The following NRXN3 variants were observed in gnomAD, a reference collection of about 807,000 sequenced individuals.
NRXN3 encodes the protein neurexin 3.
NRXN3 carries 32 observed loss-of-function variants against 137.6 expected under a neutral mutation model. The ratio of observed to expected loss-of-function variants is 0.23; its 90% CI spans 0.18 to 0.31. The LOEUF (loss-of-function observed/expected upper bound fraction) is 0.31. Ranked by LOEUF, NRXN3 falls within the 10% of genes least tolerant of loss-of-function variation. NRXN3 has a pLI of 1.00. For missense variants in NRXN3, 1,574 were observed against 2,062.5 expected, an observed-to-expected ratio of 0.76 and a Z score of 4.59; for synonymous variants, 798 against 784.5, an observed-to-expected ratio of 1.02 and a Z score of -0.29.
At chr14:79,766,932 A>G (rs2099057934) in intron 19 of NRXN3, among the ~76,000 whole-genome samples, 1 of 152,218 alleles carries the variant, frequency 6.6e-6, no homozygotes, top group Non-Finnish European at 1.5e-5. Flanking sequence ...AGGAGTAACA[A>G]GAAATAAGGC....
chr14:79,085,730 G>A (rs2047967739), intron 15 of NRXN3, among the ~76,000 whole-genome samples: 1 of 151,936 alleles, frequency 6.6e-6, no homozygotes, highest in South Asian at 2.1e-4. Flanking sequence ...GAAACGAGGA[G>A]AGAGAGGGAA....
chr14:79,483,647 G>T (rs762326536), intron 16 of NRXN3, among the ~76,000 whole-genome samples: 23 of 152,164 alleles, frequency 1.5e-4, no homozygotes, highest in Non-Finnish European at 3.4e-4. Flanking sequence ...GACTCCCAAG[G>T]ATGTATTTGT....
rs563399482 is a variant in NRXN3 at position 78,657,806 on chromosome 14, G to A, written c.1221+6480G>A. Among the ~76,000 whole-genome samples the A allele has an allele frequency of 9.9e-5, 15 of 152,270 alleles. 1 individual carries two copies. The South Asian group carries it at 3.1e-3, about 32-fold the overall frequency. The stretch of plus-strand genomic sequence containing the variant: ...TTATTTGAATTGCTGGCACCTGCGG[G>A]CTTTGGGATAATGTGTTTGTTGTTG... On this transcript the variant is annotated intron_variant, in intron 6 of 20. Transcript: ENST00000335750.
chr14:78,967,184 G>GTC (rs1567847228), intron 12 of NRXN3, 24 bp from the exon 13 acceptor site: 2 of 1,421,224 alleles, frequency 1.4e-6, no homozygotes, highest in Non-Finnish European at 1.9e-6. Flanking sequence ...TCCAATTATT[G>GTC]TTTTTTTTTT....
chr14:79,362,305 C>A (rs891083103), intron 15 of NRXN3, among the ~76,000 whole-genome samples: 3 of 151,778 alleles, frequency 2.0e-5, no homozygotes, highest in South Asian at 2.1e-4. Flanking sequence ...CCCTCTCCCC[C>A]CACCCCACCA....
chr14:78,911,901 TG>T (rs1288955803), intron 10 of NRXN3, among the ~76,000 whole-genome samples: 2 of 151,768 alleles, frequency 1.3e-5, no homozygotes, highest in African/African-American at 4.8e-5. Context: ...CAAATTGGTA[TG>T]TTTTTTTCCT....
At chr14:78,807,446 C>G (rs544721032) in intron 9 of NRXN3, among the ~76,000 whole-genome samples, 14 of 152,222 alleles carry the variant, frequency 9.2e-5, no homozygotes, top group African/African-American at 3.1e-4. Flanking sequence ...GAAAAACTTT[C>G]TTGGCCAGGC....
chr14:78,534,047 A>C (rs547230957), intron 4 of NRXN3, among the ~76,000 whole-genome samples: 1 of 152,330 alleles, frequency 6.6e-6, no homozygotes, highest in East Asian at 1.9e-4. Context: ...CCCATTAAGT[A>C]ATGGTGCACT....
At chr14:79,388,338 T>C (rs1197517895) in intron 15 of NRXN3, among the ~76,000 whole-genome samples, 1 of 152,204 alleles carries the variant, frequency 6.6e-6, no homozygotes, top group South Asian at 2.1e-4. Flanking sequence ...TATTCCTTTA[T>C]AGCAATGCAA....
Position 79,744,147 on chromosome 14 carries a change from A to G in NRXN3, c.4014+46210A>G, listed in dbSNP as rs531847570. On this transcript the variant is annotated intron_variant, in intron 19 of 20. Coordinates refer to ENST00000335750, the MANE Select transcript of NRXN3 (RefSeq NM_001330195.2). ...CACCTGTTTTTAACCAAATGCCTAC[A>G]TGCTGCATGAGCAGGAAATGAGGTG... Among the ~76,000 whole-genome samples the G allele has an allele frequency of 6.6e-5, 10 of 152,292 alleles. 1 individual carries two copies. Among genetic ancestry groups the G allele is most frequent in the Middle Eastern group, 3.4e-3 (1 of 294 alleles).
chr14:78,898,554 CGTGTGTGTGTGTGTGTGTGTGTGTGT>C (rs66861661), intron 10 of NRXN3, among the ~76,000 whole-genome samples: 4 of 136,262 alleles, frequency 2.9e-5, no homozygotes, highest in Non-Finnish European at 1.6e-5. Context: ...AGCTGGGTTT[CGTGTGTGTGTGTGTGTGTGTGTGTGT>C]GTGTGTGTGT....
chr14:79,130,061 C>G (rs1241515478), intron 15 of NRXN3, among the ~76,000 whole-genome samples: 2 of 151,900 alleles, frequency 1.3e-5, no homozygotes, highest in South Asian at 4.2e-4. Context: ...TTATTTTGAG[C>G]CTATGTGTGT....
intron 4 of NRXN3, among the ~76,000 whole-genome samples, chr14:78,604,202 C>T (rs76380576): frequency 2.6e-5 from 4 of 152,208 alleles, no homozygotes; most frequent in East Asian, 1.9e-4. Context: ...TATCTCCTAC[C>T]GGGTTTCTCT....
At chr14:79,322,259 C>A (rs184745524) in intron 15 of NRXN3, among the ~76,000 whole-genome samples, 1 of 152,234 alleles carries the variant, frequency 6.6e-6, no homozygotes, top group Admixed American at 6.5e-5. Context: ...CTTCATGTGG[C>A]TTTGGTAGCA....
intron 16 of NRXN3, among the ~76,000 whole-genome samples, chr14:79,494,772 C>T (rs951485115): frequency 8.6e-5 from 13 of 152,002 alleles, no homozygotes; most frequent in South Asian, 2.1e-4. Flanking sequence ...ATTATGTAAC[C>T]GTGATACATG....
chr14:78,292,941 G>A (rs557354186), intron 3 of NRXN3, among the ~76,000 whole-genome samples: 11 of 152,220 alleles, frequency 7.2e-5, no homozygotes, highest in African/African-American at 2.2e-4. Flanking sequence ...TTCTGAGGTC[G>A]ACTAGAAGGT....
chr14:78,374,400 T>C (rs1230324696), intron 4 of NRXN3, among the ~76,000 whole-genome samples: 3 of 152,204 alleles, frequency 2.0e-5, no homozygotes, highest in Non-Finnish European at 4.4e-5. Context: ...GAGTTTATAG[T>C]TCTTTAAATC....
rs200542101 is a variant in NRXN3 at position 79,433,583 on chromosome 14, AAG to A, written c.3263-33636_3263-33635del. Among the ~76,000 whole-genome samples, 6 of 152,170 alleles carry A rather than the reference AAG, an allele frequency of 3.9e-5. No homozygotes were observed. The East Asian group carries it at 9.8e-4, about 25-fold the overall frequency. On this transcript the variant is annotated intron_variant, in intron 15 of 20. Transcript: ENST00000335750. ...TCTTTTTCTTGTATTCCAGATGAAA[AAG>A]AAAAAAACTCACCAGTTTAAAGTGC... is the stretch of plus-strand genomic sequence containing the variant.
chr14:78,978,091 G>T (rs1424175450), intron 14 of NRXN3, among the ~76,000 whole-genome samples: 1 of 152,138 alleles, frequency 6.6e-6, no homozygotes, highest in Admixed American at 6.6e-5. Context: ...TAGTGAAACT[G>T]CTCCAAATGT....
Sources: gnomAD v4.1 joint callset for allele counts (sites outside exome capture counted in the v4.1 genomes callset) on GRCh38, gnomAD v4.1.1 for gene constraint, MANE v1.5 for transcripts, NCBI Gene and HGNC (gene_info 2026-07-23, HGNC 2026-07-21) for gene names.